Variants in TAF2 observed in about 807,000 individuals in gnomAD.
The protein encoded by TAF2 is transcription initiation factor TFIID subunit 2.
In TAF2, 61 loss-of-function variants were observed where a neutral mutation model predicts 138.5. That is an observed-to-expected ratio of 0.44 (90% CI 0.36 to 0.54). The LOEUF is 0.54. TAF2 is among the 20% of genes least tolerant of loss of function. The pLI, the probability that TAF2 is intolerant of heterozygous loss-of-function variation, is 0.00. For synonymous variants in TAF2, 475 were observed against 469.9 expected, an observed-to-expected ratio of 1.01 and a Z score of -0.14; for missense variants, 1,090 against 1,427.9, an observed-to-expected ratio of 0.76 and a Z score of 3.81.
intron 25 of TAF2, among the ~76,000 whole-genome samples, chr8:119,737,543 C>CT (rs1267464845): frequency 1.4e-5 from 2 of 145,822 alleles, no homozygotes; most frequent in African/African-American, 5.0e-5. Context: ...GAGTCTCACT[C>CT]TGTCGCCCAG....
At chr8:119,740,227 A>G (rs1167279103) in intron 25 of TAF2, among the ~76,000 whole-genome samples, 1 of 152,168 alleles carries the variant, frequency 6.6e-6, no homozygotes, top group Non-Finnish European at 1.5e-5. Flanking sequence ...CCACATGCCA[A>G]AAGTTGGAGC....
intron 4 of TAF2, among the ~76,000 whole-genome samples, chr8:119,805,359 C>T (rs7829198): frequency 0.71 from 108,148 of 152,060 alleles, 38,623 homozygotes; most frequent in Middle Eastern, 0.85. Context: ...CAAAATGCTA[C>T]AATTCTAAAC....
chr8:119,739,914 C>A (rs188104857), intron 25 of TAF2, among the ~76,000 whole-genome samples: 2 of 152,136 alleles, frequency 1.3e-5, no homozygotes, highest in Admixed American at 1.3e-4. Flanking sequence ...GTAACCTCTT[C>A]ATTTTTAGTT....
At chr8:119,745,397 CT>C (rs1267989678) in intron 23 of TAF2, among the ~76,000 whole-genome samples, 3 of 150,266 alleles carry the variant, frequency 2.0e-5, no homozygotes, top group African/African-American at 7.5e-5. Context: ...TAATGAGACT[CT>C]TTTTTTTCTA....
At chr8:119,752,266 T>A (rs535867841) in intron 22 of TAF2, among the ~76,000 whole-genome samples, 1 of 152,136 alleles carries the variant, frequency 6.6e-6, no homozygotes, top group Non-Finnish European at 1.5e-5. Flanking sequence ...GGTTAAGATA[T>A]CTGATACGTG....
At chr8:119,832,129 A>T (rs531627385) in intron 1 of TAF2, among the ~76,000 whole-genome samples, 1 of 152,298 alleles carries the variant, frequency 6.6e-6, no homozygotes, top group Non-Finnish European at 1.5e-5. Context: ...GTTGCACTCC[A>T]GCCTGGGCGA....
chr8:119,760,859 C>T (rs2131057127), intron 19 of TAF2, 121 bp from the exon 20 acceptor site: 6 of 1,334,972 alleles, frequency 4.5e-6, no homozygotes, highest in South Asian at 1.2e-5. Flanking sequence ...TTTTAATCCA[C>T]CTTCAATTTT....
chr8:119,736,354 C>T (rs1026243592), intron 25 of TAF2, among the ~76,000 whole-genome samples: 1 of 152,198 alleles, frequency 6.6e-6, no homozygotes, highest in African/African-American at 2.4e-5. Flanking sequence ...GGACAAATGG[C>T]TAATTCCAGG....
rs769835925 is a variant in TAF2 at position 119,781,173 on chromosome 8, G to A, written c.2133C>T (p.Ser711=). 4 of 1,613,910 alleles carry A rather than the reference G, an allele frequency of 2.5e-6. No homozygotes were observed. Among genetic ancestry groups the A allele is most frequent in the Admixed American group, 3.3e-5 (2 of 59,994 alleles). ...TCATGGCTGGTGGTCCTGTCCATGT[G>A]CTCACCATTGAATTTGCAATCTGCA... The part of the protein sequence containing the change: ...CLAKIANSMV[S]TWTGPPAMKS... The change falls in exon 17 of 26, where the codon AGC becomes AGT. Residue 711 remains serine (S), a synonymous_variant. Coordinates refer to ENST00000378164, the MANE Select transcript of TAF2 (RefSeq NM_003184.4).
intron 10 of TAF2, 196 bp from the exon 11 acceptor site, chr8:119,791,655 A>G: frequency 1.8e-6 from 1 of 545,662 alleles, no homozygotes; most frequent in Non-Finnish European, 3.2e-6. Context: ...CATAAAGGAA[A>G]ATCTGAATAA....
rs1485164273 is a variant in TAF2 at position 119,788,550 on chromosome 8, CAAAAT to C, written c.1684-108_1684-104del. On this transcript the variant is annotated intron_variant, in intron 13 of 25. Transcript: ENST00000378164. ...ATAAATCAAGATATAAAATATTACA[CAAAAT>C]GAGTATCTGGAGACCTAGATAGGCA... is the stretch of plus-strand genomic sequence containing the variant. 3.2e-6 allele frequency: 3 copies of C among 942,676 alleles called. No individual in the cohort carries two copies. In the African/African-American group the frequency reaches 4.7e-5, roughly 15 times the overall value. 58.4% of individuals were successfully genotyped at this position (942,676 alleles called of 1,614,324 possible).
In TAF2 at chr8:119,791,776, T is replaced by C. The variant is rs371273937; in HGVS notation, c.1278-317A>G. The C allele has an allele frequency of 1.1e-4, 23 of 210,676 alleles. No homozygotes were observed. In the East Asian group the frequency reaches 2.2e-3, roughly 20 times the overall value. 13.1% of individuals were successfully genotyped at this position (210,676 alleles called of 1,614,324 possible). ...GCAATTCCAATCAATATCCCAACAT[T>C]GAAGCATGCACTAAAATATATTAAA... is the stretch of plus-strand genomic sequence containing the variant. On this transcript the variant is annotated intron_variant, in intron 10 of 25. Coordinates refer to ENST00000378164, the MANE Select transcript of TAF2 (RefSeq NM_003184.4).
chr8:119,764,738 A>T (rs192863215), intron 18 of TAF2, among the ~76,000 whole-genome samples: 1 of 152,262 alleles, frequency 6.6e-6, no homozygotes, highest in Non-Finnish European at 1.5e-5. Context: ...AAAGGAATTA[A>T]ATTATATAAA....
chr8:119,773,882 T>C (rs1421080730), intron 18 of TAF2, among the ~76,000 whole-genome samples: 4 of 151,644 alleles, frequency 2.6e-5, no homozygotes, highest in Non-Finnish European at 5.9e-5. Context: ...ATTAAAAATA[T>C]TGTTCTTGGC....
Position 119,795,540 on chromosome 8 carries a change from T to G in TAF2, c.1183A>C (p.Ile395Leu). Residue 395 changes from isoleucine (I) to leucine (L), a missense_variant, in exon 9 of 26, where the codon ATT becomes CTT. Coordinates refer to ENST00000378164, the MANE Select transcript of TAF2 (RefSeq NM_003184.4). ...GATCTAGCTGTTATTACCTCTTTAA[T>G]CCAATGGCGGTACTCATTAACACCA... ...TFGVNEYRHW[I>L]KEELDKIVAY... 3 of 1,613,298 alleles carry G rather than the reference T, an allele frequency of 1.9e-6. No homozygotes were observed. The highest frequency in any genetic ancestry group is 2.5e-6 in the Non-Finnish European group (3 of 1,179,386).
At chr8:119,780,226 T>C (rs952899463) in intron 17 of TAF2, among the ~76,000 whole-genome samples, 4 of 152,168 alleles carry the variant, frequency 2.6e-5, no homozygotes, top group Non-Finnish European at 5.9e-5. Flanking sequence ...GTCATTCCCA[T>C]ATCCTTTCCT....
intron 3 of TAF2, among the ~76,000 whole-genome samples, chr8:119,818,599 T>C (rs550497383): frequency 4.6e-5 from 7 of 152,204 alleles, no homozygotes; most frequent in African/African-American, 1.7e-4. Context: ...GGAAAAAAAT[T>C]TGTATGTGAC....
intron 10 of TAF2, 68 bp downstream of exon 10, chr8:119,793,298 G>T: frequency 7.7e-7 from 1 of 1,301,666 alleles, no homozygotes; most frequent in Non-Finnish European, 1.1e-6. Context: ...ATACTATTTA[G>T]CTCTTAAATG....
intron 9 of TAF2, among the ~76,000 whole-genome samples, chr8:119,795,238 T>G (rs1823740350): frequency 6.6e-6 from 1 of 152,094 alleles, no homozygotes. Context: ...AGCTAACAAA[T>G]TTAGGAAGCA....
Sources: allele counts gnomAD v4.1 joint callset (sites outside exome capture counted in the v4.1 genomes callset), GRCh38; gene constraint gnomAD v4.1.1; transcripts MANE v1.5; gene names NCBI Gene and HGNC (gene_info 2026-07-23, HGNC 2026-07-21).